DPP10: variants seen among roughly 807,000 people sequenced by gnomAD.
DPP10 encodes the protein inactive dipeptidyl peptidase 10.
DPP10 carries 33 observed loss-of-function variants against 120.9 expected under a neutral mutation model. The observed-to-expected ratio is 0.27, with a 90% confidence interval of 0.21 to 0.37. The LOEUF (loss-of-function observed/expected upper bound fraction) is 0.37. DPP10 is among the 10% of genes least tolerant of loss of function. DPP10 has a pLI of 1.00. For synonymous variants in DPP10, 337 were observed against 326.1 expected (o/e 1.03, Z -0.36); for missense variants, 816 against 942.8 (o/e 0.87, Z 1.76).
At chr2:114,528,183 G>A (rs1019317446) in intron 1 of DPP10, among the ~76,000 whole-genome samples, 1 of 152,168 alleles carries the variant, frequency 6.6e-6, no homozygotes, top group Non-Finnish European at 1.5e-5. Flanking sequence ...ACAGGGCACT[G>A]CAAGAAGCTG....
intron 1 of DPP10, among the ~76,000 whole-genome samples, chr2:114,491,399 G>A (rs1395072248): frequency 6.6e-6 from 1 of 152,048 alleles, no homozygotes; most frequent in Non-Finnish European, 1.5e-5. Context: ...TTTTGCTATT[G>A]TAATTAAACT....
intron 3 of DPP10, among the ~76,000 whole-genome samples, chr2:115,477,421 G>T (rs768078497): frequency 6.6e-6 from 1 of 151,992 alleles, no homozygotes; most frequent in Non-Finnish European, 1.5e-5. Context: ...GCACCAAAAG[G>T]ATTAAAATAT....
At chr2:115,113,091 A>G (rs1234104672) in intron 1 of DPP10, among the ~76,000 whole-genome samples, 1 of 151,986 alleles carries the variant, frequency 6.6e-6, no homozygotes, top group Non-Finnish European at 1.5e-5. Context: ...TGTGTGTGGT[A>G]TATTTGTGTG....
chr2:115,389,702 T>C (rs946244043), intron 3 of DPP10, among the ~76,000 whole-genome samples: 1 of 152,168 alleles, frequency 6.6e-6, no homozygotes, highest in Admixed American at 6.6e-5. Context: ...ACGTGCATTC[T>C]AGAGTGGCTC....
At chr2:115,215,388 G>T (rs1294629975) in intron 1 of DPP10, among the ~76,000 whole-genome samples, 1 of 152,090 alleles carries the variant, frequency 6.6e-6, no homozygotes, top group Non-Finnish European at 1.5e-5. Context: ...AATAAAATAG[G>T]CCATATAATT....
chr2:114,619,288 A>G (rs946129830), intron 1 of DPP10, among the ~76,000 whole-genome samples: 1 of 151,986 alleles, frequency 6.6e-6, no homozygotes, highest in East Asian at 1.9e-4. Context: ...AAACATGCAA[A>G]TACAGTTAAC....
At chr2:115,109,499 G>C (rs549987788) in intron 1 of DPP10, among the ~76,000 whole-genome samples, 60 of 151,108 alleles carry the variant, frequency 4.0e-4, no homozygotes, top group Non-Finnish European at 7.5e-4. Flanking sequence ...TTGCTCTACT[G>C]CACTCCAGCC....
intron 1 of DPP10, among the ~76,000 whole-genome samples, chr2:114,467,525 C>G (rs1219801649): frequency 6.6e-6 from 1 of 152,276 alleles, no homozygotes; most frequent in South Asian, 2.1e-4. Context: ...TTGTTTGTTG[C>G]AATCTGAGAC....
intron 1 of DPP10, among the ~76,000 whole-genome samples, chr2:114,684,891 C>T (rs1283487441): frequency 2.0e-5 from 3 of 151,866 alleles, no homozygotes; most frequent in African/African-American, 7.3e-5. Flanking sequence ...GAGATGCTAC[C>T]TAGGGGAGAC....
chr2:115,273,230 T>C (rs907912593), intron 1 of DPP10, among the ~76,000 whole-genome samples: 7 of 152,204 alleles, frequency 4.6e-5, no homozygotes, highest in African/African-American at 1.7e-4. Flanking sequence ...ATTTTATTCA[T>C]TGATTTATCA....
At chr2:114,601,936 T>C (rs984414378) in intron 1 of DPP10, among the ~76,000 whole-genome samples, 10 of 152,058 alleles carry the variant, frequency 6.6e-5, no homozygotes, top group African/African-American at 2.2e-4. Context: ...GATTGCACAC[T>C]TAAAAATCAT....
intron 1 of DPP10, among the ~76,000 whole-genome samples, chr2:114,493,158 G>T (rs1430138802): frequency 6.6e-6 from 1 of 152,196 alleles, no homozygotes; most frequent in East Asian, 1.9e-4. Context: ...GGAATGCACA[G>T]TGGCAGCAAA....
At chr2:114,961,233 T>C (rs924800905) in intron 1 of DPP10, among the ~76,000 whole-genome samples, 4 of 151,996 alleles carry the variant, frequency 2.6e-5, no homozygotes, top group Non-Finnish European at 4.4e-5. Context: ...TTTGTATTTT[T>C]AGTAGAGACG....
chr2:115,244,586 GAA>G (rs1270061555), intron 1 of DPP10, among the ~76,000 whole-genome samples: 13 of 151,826 alleles, frequency 8.6e-5, no homozygotes, highest in Non-Finnish European at 1.8e-4. Flanking sequence ...GTGAGAGAGA[GAA>G]TGTGCTGTAA....
chr2:114,809,133 T>C (rs1041790811), intron 1 of DPP10, among the ~76,000 whole-genome samples: 7 of 152,194 alleles, frequency 4.6e-5, no homozygotes, highest in Admixed American at 1.3e-4. Flanking sequence ...TGCTTGGGAC[T>C]AGTGGATGTT....
chr2:115,157,129 T>C (rs989319214), intron 1 of DPP10, among the ~76,000 whole-genome samples: 2 of 150,948 alleles, frequency 1.3e-5, no homozygotes, highest in African/African-American at 2.4e-5. Flanking sequence ...GCTACATGTA[T>C]ACAGAGAAAA....
At chr2:114,744,467 T>C (rs1450294130) in intron 1 of DPP10, among the ~76,000 whole-genome samples, 2 of 152,138 alleles carry the variant, frequency 1.3e-5, no homozygotes, top group Non-Finnish European at 2.9e-5. Flanking sequence ...GTATCAGAAG[T>C]TAGGATGGCC....
chr2:115,182,142 G>A (rs1169980933), intron 1 of DPP10, among the ~76,000 whole-genome samples: 1 of 152,072 alleles, frequency 6.6e-6, no homozygotes, highest in Non-Finnish European at 1.5e-5. Flanking sequence ...GTACCGCTTG[G>A]TTGAAAAAGA....
intron 1 of DPP10, among the ~76,000 whole-genome samples, chr2:114,682,492 C>T (rs1410178625): frequency 6.6e-6 from 1 of 151,732 alleles, no homozygotes; most frequent in Non-Finnish European, 1.5e-5. Context: ...AACTGTAAAA[C>T]ATTTTCTTAT....
Sources: gnomAD v4.1 joint callset for allele counts (sites outside exome capture counted in the v4.1 genomes callset) on GRCh38, gnomAD v4.1.1 for gene constraint, MANE v1.5 for transcripts, NCBI Gene and HGNC (gene_info 2026-07-23, HGNC 2026-07-21) for gene names.